ZBTB46: variants seen among roughly 807,000 people sequenced by gnomAD.
ZBTB46 encodes zinc finger and BTB domain-containing protein 46.
In ZBTB46, 8 loss-of-function variants were observed where a neutral mutation model predicts 44.1. That is an observed-to-expected ratio of 0.18 (90% confidence interval 0.11 to 0.33). ZBTB46 has a LOEUF of 0.33. Among genes scored for constraint, ZBTB46 ranks in the 10% least tolerant of loss-of-function variants. The pLI is 1.00. For missense variants in ZBTB46, 651 were observed against 847.7 expected (o/e 0.77, Z 2.88); for synonymous variants, 409 against 382.3 (o/e 1.07, Z -0.81).
At chr20:63,809,749 C>T (rs1441272360) in intron 1 of ZBTB46, among the ~76,000 whole-genome samples, 1 of 152,054 alleles carries the variant, frequency 6.6e-6, no homozygotes, top group Non-Finnish European at 1.5e-5. Context: ...ATGGCTTGAG[C>T]CCAAAAGTTC....
At chr20:63,794,947 T>C (rs544520867) in intron 1 of ZBTB46, among the ~76,000 whole-genome samples, 1 of 152,160 alleles carries the variant, frequency 6.6e-6, no homozygotes, top group Non-Finnish European at 1.5e-5. Flanking sequence ...GGCACCCCCG[T>C]GCGCGAGGTG....
intron 1 of ZBTB46, among the ~76,000 whole-genome samples, chr20:63,801,504 C>T (rs1396229968): frequency 2.6e-5 from 4 of 152,218 alleles, no homozygotes; most frequent in South Asian, 2.1e-4. Flanking sequence ...CCCCAACCAG[C>T]AGTGGCAACT....
chr20:63,771,916 G>A (rs191180146), intron 3 of ZBTB46, among the ~76,000 whole-genome samples: 8 of 151,686 alleles, frequency 5.3e-5, no homozygotes, highest in Middle Eastern at 3.4e-3. Context: ...CTGGGCAGGC[G>A]TCTGGGGCAT....
In ZBTB46 at chr20:63,803,500, C is replaced by A; in HGVS notation, c.-33-12710G>T. On this transcript the variant is annotated intron_variant, in intron 1 of 4. Coordinates refer to ENST00000245663, the MANE Select transcript of ZBTB46 (RefSeq NM_001369741.1). The surrounding 1 kb of genome is among the most constrained non-coding windows in gnomAD (Gnocchi z 4.0). Reference sequence around the variant, plus strand: ...GGCGATGAGGACTTTAGGTTTTCCACATGGCAGCCCCCATGTGGCCATCTG... The same window carrying A: ...GGCGATGAGGACTTTAGGTTTTCCAAATGGCAGCCCCCATGTGGCCATCTG... The A allele has an allele frequency of 6.1e-6, 6 of 985,382 alleles. No homozygotes were observed. The highest frequency in any genetic ancestry group is 7.2e-6 in the Non-Finnish European group (6 of 829,926). The allele number at this position is 985,382 out of a possible 1,614,324, so 61.0% of individuals were successfully genotyped here. A position where few individuals can be genotyped will look rare whatever the true frequency, so the allele number is the denominator to read the frequency against.
intron 1 of ZBTB46, among the ~76,000 whole-genome samples, chr20:63,826,927 G>A (rs1300995423): frequency 2.0e-5 from 3 of 152,254 alleles, no homozygotes; most frequent in South Asian, 2.1e-4. Context: ...TCCACTCTCC[G>A]GGAAGCAGGG....
chr20:63,770,715 C>T (rs1443993345), intron 3 of ZBTB46, among the ~76,000 whole-genome samples: 2 of 152,288 alleles, frequency 1.3e-5, no homozygotes, highest in African/African-American at 2.4e-5. Flanking sequence ...TGTTGAACCA[C>T]GGCGCATTCA....
At chr20:63,833,503 A>G (rs1249221714), upstream of ZBTB46, among the ~76,000 whole-genome samples, 1 of 152,170 alleles carries the variant, frequency 6.6e-6, no homozygotes, top group African/African-American at 2.4e-5. Flanking sequence ...AGGCAGGAGA[A>G]TGGCGTCAAC....
chr20:63,809,282 G>A (rs2092704132), intron 1 of ZBTB46, among the ~76,000 whole-genome samples: 1 of 152,240 alleles, frequency 6.6e-6, no homozygotes, highest in East Asian at 1.9e-4. Flanking sequence ...AGCGCGTCCA[G>A]TCCTCATGGC....
chr20:63,833,465 C>T (rs1029300762), upstream of ZBTB46, among the ~76,000 whole-genome samples: 3 of 152,216 alleles, frequency 2.0e-5, no homozygotes, highest in Non-Finnish European at 4.4e-5. Flanking sequence ...GTGGCAGGTG[C>T]CTGTAGTCCC....
intron 1 of ZBTB46, among the ~76,000 whole-genome samples, chr20:63,805,539 C>T (rs1440185988): frequency 1.3e-5 from 2 of 152,126 alleles, no homozygotes; most frequent in East Asian, 3.9e-4. Flanking sequence ...GACAAAGTCA[C>T]AAGCCAAAGG....
chr20:63,761,559 G>A (rs1280687345), intron 3 of ZBTB46, among the ~76,000 whole-genome samples: 2 of 151,946 alleles, frequency 1.3e-5, no homozygotes, highest in Non-Finnish European at 2.9e-5. Flanking sequence ...CGAGGCAGGT[G>A]GATCACAAGG....
At chr20:63,829,776 G>A (rs1355803724) in intron 1 of ZBTB46, among the ~76,000 whole-genome samples, 1 of 152,234 alleles carries the variant, frequency 6.6e-6, no homozygotes, top group African/African-American at 2.4e-5. Flanking sequence ...TTCCACTCTT[G>A]TAGAGTGAAA....
Position 63,747,076 on chromosome 20 carries a change from G to C in ZBTB46, c.1624C>G (p.Arg542Gly). 1 of 1,608,990 alleles carries C rather than the reference G, an allele frequency of 6.2e-7. No homozygotes were observed. The highest frequency in any genetic ancestry group is 8.5e-7 in the Non-Finnish European group (1 of 1,179,484). Residue 542 changes from arginine to glycine, a missense_variant, in exon 5 of 5, where the codon CGA becomes GGA. By Grantham distance (125) the Arg-to-Gly change is moderately radical (BLOSUM62 -2). Around this residue, in one of 5 missense-constraint regions of ZBTB46, gnomAD observed 106 missense variants for 81.0 expected, o/e 1.31. Coordinates refer to ENST00000245663, the MANE Select transcript of ZBTB46 (RefSeq NM_001369741.1). The stretch of plus-strand genomic sequence containing the variant: ...TCGCCCAGCTCCTCCGCCTCCCCTC[G>C]TGGGTCCTCAGGGTCCTCCAGATAG... Reference protein sequence around the residue: ...GPYLEDPEDPRGEAEELGEDD... With the variant: ...GPYLEDPEDPGGEAEELGEDD...
intron 4 of ZBTB46, among the ~76,000 whole-genome samples, chr20:63,751,103 A>C (rs1045806052): frequency 1.3e-5 from 2 of 152,106 alleles, no homozygotes; most frequent in Non-Finnish European, 2.9e-5. Flanking sequence ...AATAGGAAAC[A>C]TGTCGGCCTG....
rs995948199 is a variant in ZBTB46, at chr20:63,752,569, C to G, written c.1398+117G>C. ...TCTCCCTGCCCTGCTGTCGTCCCCC[C>G]TGTGCAGAGTGGACCCGGTGTGGGG... On this transcript the variant is annotated intron_variant, in intron 4 of 4. Coordinates refer to ENST00000245663, the MANE Select transcript of ZBTB46 (RefSeq NM_001369741.1). The surrounding 1 kb of genome is among the most constrained non-coding windows in gnomAD (Gnocchi z 5.6). 3 of 1,257,786 alleles carry G rather than the reference C, an allele frequency of 2.4e-6. No homozygotes were observed. The highest frequency in any genetic ancestry group is 3.1e-6 in the Non-Finnish European group (3 of 961,236). The allele number at this position is 1,257,786 out of a possible 1,614,324, so 77.9% of individuals were successfully genotyped here.
chr20:63,778,551 T>C (rs1311624164), intron 2 of ZBTB46, among the ~76,000 whole-genome samples: 1 of 152,094 alleles, frequency 6.6e-6, no homozygotes, highest in African/African-American at 2.4e-5. Flanking sequence ...GCCCAGCAGC[T>C]GAGAGCTGGG....
chr20:63,758,260 C>T (rs1325293922), intron 3 of ZBTB46, among the ~76,000 whole-genome samples: 5 of 150,598 alleles, frequency 3.3e-5, no homozygotes, highest in African/African-American at 1.2e-4. Flanking sequence ...CCAGTATCCC[C>T]TCCCCTAATC....
At chr20:63,829,190 C>T (rs955251352) in intron 1 of ZBTB46, among the ~76,000 whole-genome samples, 1 of 152,200 alleles carries the variant, frequency 6.6e-6, no homozygotes, top group Non-Finnish European at 1.5e-5. Flanking sequence ...TCAGCCTGGC[C>T]CTGGTGGAAC....
At chr20:63,776,100 A>G (rs1321396285) in intron 2 of ZBTB46, 138 bp from the exon 3 acceptor site, 12 of 1,137,712 alleles carry the variant, frequency 1.1e-5, no homozygotes, top group Non-Finnish European at 1.4e-5. Context: ...CCACCCTGGG[A>G]GCCGGGCACC....
Sources: allele counts gnomAD v4.1 joint callset (sites outside exome capture counted in the v4.1 genomes callset), GRCh38; gene constraint gnomAD v4.1.1; regional missense constraint gnomAD v4.1.1; non-coding constraint Gnocchi (gnomAD v3.1); transcripts MANE v1.5; gene names NCBI Gene and HGNC (gene_info 2026-07-23, HGNC 2026-07-21).